The following UBE2J1 variants were observed in gnomAD, a reference collection of about 807,000 sequenced individuals.
UBE2J1 encodes ubiquitin conjugating enzyme E2 J1.
A neutral mutation model predicts 42.1 loss-of-function variants in UBE2J1; 17 were observed. That is an observed-to-expected ratio of 0.40 (90% CI 0.28 to 0.61). The LOEUF is 0.61. UBE2J1 is among the 20% of genes least tolerant of loss of function. The pLI, the probability that UBE2J1 is intolerant of heterozygous loss-of-function variation, is 0.38. For missense variants in UBE2J1, 291 were observed against 389.4 expected, an observed-to-expected ratio of 0.75 and a Z score of 2.13; for synonymous variants, 127 against 137.2, an observed-to-expected ratio of 0.93 and a Z score of 0.52.
intron 7 of UBE2J1, among the ~76,000 whole-genome samples, chr6:89,332,440 T>C (rs1440062961): frequency 1.3e-5 from 2 of 152,256 alleles, no homozygotes; most frequent in Non-Finnish European, 2.9e-5. Context: ...CATTCTTTTA[T>C]TCAACAATTA....
chr6:89,327,264 T>G lies in UBE2J1; in HGVS notation c.*2415A>C, dbSNP rs9344925. The G allele has an allele frequency of 0.075, 11,395 of 152,420 alleles. 1,020 individuals are homozygous for G. Among genetic ancestry groups the G allele is most frequent in the East Asian group, 0.21 (1,109 of 5,172 alleles). The allele number at this position is 152,420 out of a possible 1,614,324, so 9.4% of individuals were successfully genotyped here. A position where few individuals can be genotyped will look rare whatever the true frequency, so the allele number is the denominator to read the frequency against. On this transcript the variant is annotated 3_prime_UTR_variant, in exon 8 of 8. Coordinates refer to ENST00000435041, the MANE Select transcript of UBE2J1 (RefSeq NM_016021.3). ...TGTGCTATGTTGGTCAAATAAAATG[T>G]CATGAGTTATCTAGATCTGAGGATT...
chr6:89,339,365 G>T (rs184194697), intron 3 of UBE2J1, among the ~76,000 whole-genome samples: 423 of 141,146 alleles, frequency 3.0e-3, no homozygotes, highest in Non-Finnish European at 5.4e-3. Context: ...AGGAGTTCAA[G>T]GCCACAGTGA....
intron 3 of UBE2J1, among the ~76,000 whole-genome samples, chr6:89,339,690 C>T (rs1768206525): frequency 1.8e-5 from 1 of 56,278 alleles, no homozygotes; most frequent in Non-Finnish European, 3.6e-5. Flanking sequence ...CTACCCTGTG[C>T]CTAGTATGGA....
intron 1 of UBE2J1, among the ~76,000 whole-genome samples, chr6:89,344,924 G>A (rs1052115071): frequency 6.6e-6 from 1 of 152,152 alleles, no homozygotes; most frequent in Non-Finnish European, 1.5e-5. Flanking sequence ...ATGCACTCTG[G>A]ATCCCAACCC....
At chr6:89,336,060 C>T (rs1315329692) in intron 5 of UBE2J1, among the ~76,000 whole-genome samples, 1 of 151,904 alleles carries the variant, frequency 6.6e-6, no homozygotes. Flanking sequence ...TCAAAACTTC[C>T]TTGAAGTTTA....
In UBE2J1 at chr6:89,330,629, A is replaced by G. The variant is rs182166630; in HGVS notation, c.679-672T>C. ...GCCAACATAGTGAGACACTATCTCTACAGAAAAATTTTAAAACTTAGCCAG... is the reference window on the plus strand; with the variant it reads ...GCCAACATAGTGAGACACTATCTCTGCAGAAAAATTTTAAAACTTAGCCAG... On this transcript the variant is annotated intron_variant, in intron 7 of 7. Transcript: ENST00000435041. 1.1e-3 allele frequency among the ~76,000 whole-genome samples: 175 copies of G among 152,226 alleles called. 2 individuals are homozygous for G. Among genetic ancestry groups the G allele is most frequent in the Admixed American group, 2.6e-3 (40 of 15,296 alleles).
Position 89,338,669 on chromosome 6 carries a change from T to G in UBE2J1, c.238-126A>C, listed in dbSNP as rs1027946664. The G allele has an allele frequency of 7.1e-4, 188 of 265,342 alleles. 1 individual carries two copies. The highest frequency in any genetic ancestry group is 7.6e-4 in the South Asian group (5 of 6,622). 16.4% of individuals were successfully genotyped at this position (265,342 alleles called of 1,614,324 possible). A position where few individuals can be genotyped will look rare whatever the true frequency, so the allele number is the denominator to read the frequency against. On this transcript the variant is annotated intron_variant, in intron 3 of 7. Transcript: ENST00000435041. ...TCTTAAAAAGTTTGTTTTTTTTTTTTTTTTTTTTTTTTTTGAGATGGAGTC... is the reference window on the plus strand; with the variant it reads ...TCTTAAAAAGTTTGTTTTTTTTTTTGTTTTTTTTTTTTTTGAGATGGAGTC...
rs1768018951 is a variant in UBE2J1 at position 89,332,068 on chromosome 6, T to TCACTCAAGA, written c.678+1017_678+1018insTCTTGAGTG. Among the ~76,000 whole-genome samples, 5 of 152,212 alleles carry TCACTCAAGA rather than the reference T, an allele frequency of 3.3e-5. No individual in the cohort carries two copies. The South Asian group carries it at 1.0e-3, about 31-fold the overall frequency. ...ACTTTTCTCTGCCCAGCTCACTCTC[T>TCACTCAAGA]GAATAGGAGAGACTCACTCAAGACT... On this transcript the variant is annotated intron_variant, in intron 7 of 7. Transcript: ENST00000435041.
At chr6:89,335,011 T>G (rs185947150) in intron 6 of UBE2J1, among the ~76,000 whole-genome samples, 1 of 152,332 alleles carries the variant, frequency 6.6e-6, no homozygotes, top group African/African-American at 2.4e-5. Flanking sequence ...TGGCATTGTA[T>G]ACCAGAGTTC....
At chr6:89,331,650 A>C (rs1234398606) in intron 7 of UBE2J1, among the ~76,000 whole-genome samples, 1 of 152,218 alleles carries the variant, frequency 6.6e-6, no homozygotes, top group Non-Finnish European at 1.5e-5. Context: ...AGAGATAGAC[A>C]ATAAATAATT....
At chr6:89,337,935 G>A (rs1485120191) in intron 5 of UBE2J1, among the ~76,000 whole-genome samples, 2 of 152,140 alleles carry the variant, frequency 1.3e-5, no homozygotes, top group African/African-American at 4.8e-5. Flanking sequence ...TGTTTTCCAG[G>A]AGAATATATC....
intron 2 of UBE2J1, 29 bp from the exon 3 acceptor site, chr6:89,342,484 TTAA>T (rs1185350685): frequency 6.4e-7 from 1 of 1,553,920 alleles, no homozygotes; most frequent in Non-Finnish European, 8.7e-7. Flanking sequence ...CCACAAGGAA[TTAA>T]TAATATTGAA....
intron 5 of UBE2J1, among the ~76,000 whole-genome samples, chr6:89,337,487 C>G (rs1396847590): frequency 6.6e-6 from 1 of 151,980 alleles, no homozygotes; most frequent in Non-Finnish European, 1.5e-5. Context: ...CTGTAGAGGG[C>G]CTACTCTGGG....
intron 2 of UBE2J1, among the ~76,000 whole-genome samples, chr6:89,343,120 C>T (rs1275408140): frequency 5.3e-5 from 8 of 152,112 alleles, no homozygotes; most frequent in Admixed American, 5.2e-4. Flanking sequence ...GGGGTTCTTT[C>T]CACCTCCCCT....
chr6:89,329,676 A>G lies in UBE2J1; in HGVS notation c.*3T>C, dbSNP rs1297344779. The G allele has an allele frequency of 6.2e-6, 10 of 1,614,046 alleles. No individual in the cohort carries two copies. The East Asian group carries it at 1.8e-4, about 29-fold the overall frequency. ...GTCACAGCTCATAAGTCACAAAACC[A>G]TATTATAACTCAAAGTCAAATATGT... On this transcript the variant is annotated 3_prime_UTR_variant, in exon 8 of 8. Coordinates refer to ENST00000435041, the MANE Select transcript of UBE2J1 (RefSeq NM_016021.3).
chr6:89,332,710 T>C (rs577309913), intron 7 of UBE2J1, among the ~76,000 whole-genome samples: 9 of 152,356 alleles, frequency 5.9e-5, no homozygotes, highest in Admixed American at 3.9e-4. Flanking sequence ...TCTACGACTT[T>C]ATTAAGTCAG....
rs1376763271 is a variant in UBE2J1, at chr6:89,329,814, G to C, written c.822C>G (p.Gly274=). 4.3e-6 allele frequency: 7 copies of C among 1,613,988 alleles called. No homozygotes were observed. The African/African-American group carries it at 8.0e-5, about 18-fold the overall frequency. ...CAGTGTGGTTGTCTCTTGGCTGGTGGCCCTGGATTACATCTGGTGAAGTAG... is the reference window on the plus strand; with the variant it reads ...CAGTGTGGTTGTCTCTTGGCTGGTGCCCCTGGATTACATCTGGTGAAGTAG... The part of the protein sequence containing the change: ...RLSTSPDVIQ[G]HQPRDNHTDH... Residue 274 remains glycine (G), a synonymous_variant, in exon 8 of 8, where the codon GGC becomes GGG. Transcript: ENST00000435041.
chr6:89,347,811 T>C (rs1768390994), intron 1 of UBE2J1, among the ~76,000 whole-genome samples: 1 of 152,220 alleles, frequency 6.6e-6, no homozygotes, highest in South Asian at 2.1e-4. Context: ...AACAAGTCAC[T>C]TGATCTGATG....
In UBE2J1 at chr6:89,332,115, G is replaced by A. The variant is rs906935831; in HGVS notation, c.678+971C>T. On this transcript the variant is annotated intron_variant, in intron 7 of 7. Transcript: ENST00000435041. ...GACTATTCACTCCCACTTTACGTAC[G>A]TTATTGCTGGGTAAAGGGCAAATCT... Among the ~76,000 whole-genome samples, 5 of 152,236 alleles carry A rather than the reference G, an allele frequency of 3.3e-5. No individual in the cohort carries two copies. The East Asian group carries it at 5.8e-4, about 18-fold the overall frequency.
Sources: allele counts gnomAD v4.1 joint callset (sites outside exome capture counted in the v4.1 genomes callset), GRCh38; gene constraint gnomAD v4.1.1; transcripts MANE v1.5; gene names NCBI Gene and HGNC (gene_info 2026-07-23, HGNC 2026-07-21).